KDM4B: variants seen among roughly 807,000 people sequenced by gnomAD.
KDM4B encodes lysine demethylase 4B.
KDM4B carries 32 observed loss-of-function variants against 125.2 expected under a neutral mutation model. The ratio of observed to expected loss-of-function variants is 0.26; its 90% CI spans 0.19 to 0.34. KDM4B has a LOEUF of 0.34. KDM4B is among the 10% of genes least tolerant of loss of function. The probability of loss-of-function intolerance (pLI) is 1.00; values close to 1 mark genes in which losing one functional copy is unlikely to be tolerated. For missense variants in KDM4B, 1,190 were observed against 1,577.7 expected (o/e 0.75, Z 4.16); for synonymous variants, 721 against 677.9 (o/e 1.06, Z -0.99).
intron 11 of KDM4B, among the ~76,000 whole-genome samples, chr19:5,129,797 CCCAGGGCCCCAGGGCTCACGGTGTT>C (rs2039511413): frequency 1.3e-5 from 2 of 152,212 alleles, no homozygotes; most frequent in South Asian, 4.1e-4. Flanking sequence ...CAGGCAGGGC[CCCAGGGCCCCAGGGCTCACGGTGTT>C]CTGGGGTCCA....
intron 2 of KDM4B, among the ~76,000 whole-genome samples, chr19:5,031,174 G>T (rs560557654): frequency 6.6e-6 from 1 of 152,352 alleles, no homozygotes; most frequent in Admixed American, 6.5e-5. Context: ...GCGTTGGGGG[G>T]ATCCTGGGGC....
In KDM4B at chr19:5,138,032, G is replaced by A; in HGVS notation, c.2512G>A (p.Val838Met). The A allele has an allele frequency of 6.2e-7, 1 of 1,612,650 alleles. No individual in the cohort carries two copies. The highest frequency in any genetic ancestry group is 8.5e-7 in the Non-Finnish European group (1 of 1,179,892). ...CCTGAACGTGATTGAGCGCCACCCTGTGGACATCAGCGCCATCCCCGAGCA... is the reference window on the plus strand; with the variant it reads ...CCTGAACGTGATTGAGCGCCACCCTATGGACATCAGCGCCATCCCCGAGCA... ...RFLNVIERHP[V>M]DISAIPEQRW... Residue 838 changes from valine (V) to methionine (M), a missense_variant, in exon 18 of 23, where the codon GTG (valine) becomes ATG (methionine). Transcript: ENST00000159111.
intron 7 of KDM4B, chr19:5,076,014 T>C (rs1025198171): frequency 2.3e-5 from 4 of 176,796 alleles, no homozygotes; most frequent in Non-Finnish European, 4.9e-5. Flanking sequence ...TTCTAGAACA[T>C]CAGCTCCGAG....
chr19:5,144,968 G>A, intron 21 of KDM4B, 66 bp downstream of exon 21: 2 of 1,603,598 alleles, frequency 1.2e-6, no homozygotes, highest in Non-Finnish European at 8.5e-7. Flanking sequence ...GCGGGGACAG[G>A]AGGATCACAC....
At chr19:5,056,876 GGGGACGCT>G (rs2037414360) in intron 6 of KDM4B, among the ~76,000 whole-genome samples, 1 of 150,258 alleles carries the variant, frequency 6.7e-6, no homozygotes, top group Admixed American at 6.6e-5. Flanking sequence ...GTCCTGGGGC[GGGGACGCT>G]GGGGCGGGGA....
At chr19:5,123,194 G>A (rs1007498864) in intron 11 of KDM4B, among the ~76,000 whole-genome samples, 1 of 152,232 alleles carries the variant, frequency 6.6e-6, no homozygotes, top group African/African-American at 2.4e-5. Flanking sequence ...ACGACCTCGC[G>A]TGGCACGGGG....
intron 1 of KDM4B, among the ~76,000 whole-genome samples, chr19:4,976,969 G>C (rs1473944101): frequency 6.6e-6 from 1 of 152,184 alleles, no homozygotes; most frequent in Non-Finnish European, 1.5e-5. Context: ...AAACAATCTG[G>C]AGAGGCTTGC....
intron 5 of KDM4B, among the ~76,000 whole-genome samples, chr19:5,046,417 T>C (rs116133195): frequency 0.014 from 2,134 of 152,290 alleles, 57 homozygotes; most frequent in South Asian, 0.067. Context: ...TCTTCTGGGC[T>C]CCTGCCAGGG....
At position 5,083,711 on chromosome 19, in the gene KDM4B, G is replaced by A. The variant is rs1048141462; in HGVS notation, c.918+1207G>A. ...ACAGCCTCAGCCTCAGCCCCTCCCG[G>A]CGTCTCCCTCTGGTTTGGGGTCATG... is the stretch of plus-strand genomic sequence containing the variant. On this transcript the variant is annotated intron_variant, in intron 9 of 22. Transcript: ENST00000159111. Among the ~76,000 whole-genome samples the A allele has an allele frequency of 2.0e-5, 3 of 152,208 alleles. No individual in the cohort carries two copies. In the East Asian group the frequency reaches 5.8e-4, roughly 29 times the overall value.
At chr19:5,005,257 T>C (rs1230012997) in intron 1 of KDM4B, among the ~76,000 whole-genome samples, 1 of 152,186 alleles carries the variant, frequency 6.6e-6, no homozygotes, top group Admixed American at 6.5e-5. Flanking sequence ...AGAACACAGA[T>C]GCCCGGGGCA....
rs558200523 is a variant in KDM4B at position 5,117,785 on chromosome 19, G to GC, written c.1116-1866dup. On this transcript the variant is annotated intron_variant, in intron 10 of 22. Transcript: ENST00000159111. ...CCTGCCTGCCTCCCACCCCTGCCCG[G>GC]CCACCCCGCAGCGACCTTGTGTGCA... 5.2e-4 allele frequency among the ~76,000 whole-genome samples: 79 copies of GC among 152,202 alleles called. 1 individual carries two copies. The highest frequency in any genetic ancestry group is 1.8e-3 in the African/African-American group (75 of 41,538).
chr19:5,098,474 G>A (rs985339011), intron 9 of KDM4B, among the ~76,000 whole-genome samples: 2 of 152,084 alleles, frequency 1.3e-5, no homozygotes, highest in Admixed American at 6.5e-5. Context: ...ATAACAGGAA[G>A]TGCTCCCATG....
intron 2 of KDM4B, among the ~76,000 whole-genome samples, chr19:5,018,965 C>T (rs1183042786): frequency 6.6e-6 from 1 of 152,230 alleles, no homozygotes; most frequent in Non-Finnish European, 1.5e-5. Context: ...TGCTGATGGG[C>T]GCTCATGTGG....
intron 2 of KDM4B, among the ~76,000 whole-genome samples, chr19:5,020,383 T>C (rs2036075926): frequency 6.6e-6 from 1 of 151,962 alleles, no homozygotes; most frequent in Non-Finnish European, 1.5e-5. Context: ...GCGTTTTTGT[T>C]TCCCTTGGGC....
In KDM4B at chr19:5,114,253, CGCCTCACCACA is replaced by C; in HGVS notation, c.1115+3441_1115+3451del. On this transcript the variant is annotated intron_variant, in intron 10 of 22. Transcript: ENST00000159111. The surrounding 1 kb of genome is among the most constrained non-coding windows in gnomAD (Gnocchi z 5.8). ...GCTCCCTGCAGGACATCTGTGCACC[CGCCTCACCACA>C]GCCTCCCTGGCCCACTGCTGCTCTG... The C allele has an allele frequency of 7.8e-7, 1 of 1,284,198 alleles. No homozygotes were observed. The highest frequency in any genetic ancestry group is 1.0e-6 in the Non-Finnish European group (1 of 983,770). The allele number at this position is 1,284,198 out of a possible 1,614,324, so 79.6% of individuals were successfully genotyped here.
intron 10 of KDM4B, among the ~76,000 whole-genome samples, chr19:5,118,040 G>T (rs2039290912): frequency 6.6e-6 from 1 of 152,152 alleles, no homozygotes; most frequent in African/African-American, 2.4e-5. Context: ...GTGGGCAGGG[G>T]TCAGGTCCAA....
At chr19:5,002,319 T>A (rs574247555) in intron 1 of KDM4B, among the ~76,000 whole-genome samples, 2 of 152,214 alleles carry the variant, frequency 1.3e-5, no homozygotes, top group South Asian at 4.2e-4. Context: ...CCTCGGTCTC[T>A]GGATTGCCTT....
At chr19:5,094,030 G>A (rs2038767401) in intron 9 of KDM4B, among the ~76,000 whole-genome samples, 1 of 152,172 alleles carries the variant, frequency 6.6e-6, no homozygotes, top group African/African-American at 2.4e-5. Flanking sequence ...CCCTCAGGGC[G>A]CCAGGGAGAC....
intron 1 of KDM4B, among the ~76,000 whole-genome samples, chr19:4,975,192 T>C (rs1035516645): frequency 6.6e-6 from 1 of 152,212 alleles, no homozygotes; most frequent in Non-Finnish European, 1.5e-5. Context: ...TATTTTTGGC[T>C]TTGTAAGCCA....
Sources: allele counts gnomAD v4.1 joint callset (sites outside exome capture counted in the v4.1 genomes callset), GRCh38; gene constraint gnomAD v4.1.1; non-coding constraint Gnocchi (gnomAD v3.1); transcripts MANE v1.5; gene names NCBI Gene and HGNC (gene_info 2026-07-23, HGNC 2026-07-21).